Variants in KCNK5 observed in about 807,000 individuals in gnomAD.
KCNK5 encodes the protein potassium channel subfamily K member 5.
KCNK5 carries 18 observed loss-of-function variants against 32.9 expected under a neutral mutation model. The ratio of observed to expected loss-of-function variants is 0.55; its 90% CI spans 0.38 to 0.81. The LOEUF is 0.81. Among genes scored for constraint, KCNK5 ranks in the 30% least tolerant of loss-of-function variants. The pLI, the probability that KCNK5 is intolerant of heterozygous loss-of-function variation, is 0.00. For missense variants in KCNK5, 507 were observed against 651.0 expected, an observed-to-expected ratio of 0.78 and a Z score of 2.41; for synonymous variants, 276 against 275.3, an observed-to-expected ratio of 1.00 and a Z score of -0.03.
chr6:39,208,539 G>A (rs1771270627), intron 1 of KCNK5, among the ~76,000 whole-genome samples: 1 of 152,236 alleles, frequency 6.6e-6, no homozygotes, highest in Non-Finnish European at 1.5e-5. Flanking sequence ...TGCAGTCCAA[G>A]CCCATTTCCT....
intron 1 of KCNK5, among the ~76,000 whole-genome samples, chr6:39,209,493 C>A (rs1316435922): frequency 6.6e-5 from 10 of 152,156 alleles, no homozygotes; most frequent in South Asian, 6.2e-4. Flanking sequence ...TACTGCCAGG[C>A]CCTCCTAGTA....
At chr6:39,216,950 C>T (rs990355833) in intron 1 of KCNK5, among the ~76,000 whole-genome samples, 10 of 151,612 alleles carry the variant, frequency 6.6e-5, no homozygotes, top group Non-Finnish European at 1.0e-4. Flanking sequence ...GGAGAAACCC[C>T]GTCTCTACTA....
At chr6:39,204,201 T>C (rs1237680647) in intron 1 of KCNK5, among the ~76,000 whole-genome samples, 2 of 152,252 alleles carry the variant, frequency 1.3e-5, no homozygotes, top group Admixed American at 6.5e-5. Context: ...CTGATATCTA[T>C]CTGGAGTATG....
At chr6:39,215,649 G>A (rs960062600) in intron 1 of KCNK5, among the ~76,000 whole-genome samples, 1 of 152,192 alleles carries the variant, frequency 6.6e-6, no homozygotes, top group African/African-American at 2.4e-5. Context: ...AGACTAAAGC[G>A]ATACCCTCCC....
chr6:39,215,258 T>A (rs1562056560), intron 1 of KCNK5, among the ~76,000 whole-genome samples: 1 of 152,218 alleles, frequency 6.6e-6, no homozygotes, highest in East Asian at 1.9e-4. Flanking sequence ...CACTACTGCC[T>A]CGGCTCACCC....
At position 39,194,747 on chromosome 6, in the gene KCNK5, C is replaced by T. The variant is rs1419824986; in HGVS notation, c.312G>A (p.Val104=). ...TVITTIGYGN[V]APKTPAGRLF... ...GGCGACCGGCGGGGGTCTTGGGAGC[C>T]ACATTGCCATATCCTGAGGAAGGAG... is the stretch of plus-strand genomic sequence containing the variant. The change falls in exon 3 of 5, where the codon GTG becomes GTA. Residue 104 remains valine (V), a synonymous_variant. Transcript: ENST00000359534. This position sits in a 1 kb window ranked among gnomAD's most constrained non-coding sequence, Gnocchi z 4.7. The T allele has an allele frequency of 6.2e-7, 1 of 1,613,992 alleles. No individual in the cohort carries two copies.
chr6:39,214,194 C>T (rs11962439), intron 1 of KCNK5, among the ~76,000 whole-genome samples: 4,746 of 152,218 alleles, frequency 0.031, 138 homozygotes, highest in African/African-American at 0.081. Context: ...TGACAGGAAC[C>T]TTCTAGAACA....
intron 1 of KCNK5, among the ~76,000 whole-genome samples, chr6:39,216,100 T>C (rs1029368983): frequency 6.6e-6 from 1 of 152,176 alleles, no homozygotes; most frequent in Non-Finnish European, 1.5e-5. Flanking sequence ...CTGGCTAACA[T>C]GGCGAAACCC....
chr6:39,216,984 G>A lies in KCNK5; in HGVS notation c.186+11942C>T, dbSNP rs551770844. On this transcript the variant is annotated intron_variant, in intron 1 of 4. Transcript: ENST00000359534. Reference sequence around the variant, plus strand: ...TAAAAATACAAACTTAGCTGGGTGTGGTGGCACATGCCTGTAATCCCAGCT... The same window carrying A: ...TAAAAATACAAACTTAGCTGGGTGTAGTGGCACATGCCTGTAATCCCAGCT... Among the ~76,000 whole-genome samples the A allele has an allele frequency of 5.3e-5, 8 of 151,986 alleles. No individual in the cohort carries two copies. The South Asian group carries it at 1.7e-3, about 32-fold the overall frequency.
chr6:39,196,517 G>A (rs1771033675), intron 1 of KCNK5, among the ~76,000 whole-genome samples: 1 of 152,192 alleles, frequency 6.6e-6, no homozygotes, highest in Non-Finnish European at 1.5e-5. Context: ...TCCTTGTTCA[G>A]GGTTGGCTGG....
chr6:39,224,388 C>A (rs1562059516), intron 1 of KCNK5, among the ~76,000 whole-genome samples: 2 of 152,264 alleles, frequency 1.3e-5, no homozygotes, highest in African/African-American at 4.8e-5. Flanking sequence ...CTCAACTTTC[C>A]AAAAAATTCA....
At chr6:39,201,369 A>T (rs1771131233) in intron 1 of KCNK5, among the ~76,000 whole-genome samples, 1 of 151,190 alleles carries the variant, frequency 6.6e-6, no homozygotes, top group Non-Finnish European at 1.5e-5. Flanking sequence ...CTCCTGCCTT[A>T]GCCTCCCGAG....
intron 1 of KCNK5, among the ~76,000 whole-genome samples, chr6:39,198,811 G>A (rs1189455576): frequency 1.7e-4 from 26 of 152,160 alleles, no homozygotes; most frequent in Admixed American, 1.6e-3. Flanking sequence ...AGTCCAAGGG[G>A]GAGATGGGGT....
chr6:39,220,417 C>T (rs1771524137), intron 1 of KCNK5, among the ~76,000 whole-genome samples: 1 of 152,090 alleles, frequency 6.6e-6, no homozygotes, highest in East Asian at 1.9e-4. Flanking sequence ...GTGGTGTCTG[C>T]CTCGAGTGAG....
At chr6:39,192,392 C>G (rs1770957485) in intron 4 of KCNK5, among the ~76,000 whole-genome samples, 1 of 150,826 alleles carries the variant, frequency 6.6e-6, no homozygotes, top group Admixed American at 6.6e-5. Context: ...AGAAACAGTT[C>G]ATGAGTATTT....
Position 39,194,293 on chromosome 6 carries a change from G to T in KCNK5, c.510C>A (p.Gly170=), listed in dbSNP as rs916995756. 3 of 1,613,564 alleles carry T rather than the reference G, an allele frequency of 1.9e-6. No individual in the cohort carries two copies. The African/African-American group carries it at 4.0e-5, about 22-fold the overall frequency. The part of the protein sequence containing the change: ...ITCTVIFIVW[G]VLVHLVIPPF... ...GTGGGATCACCAGGTGGACTAGGAC[G>T]CCCCACACGATGAAGATGACTGTGC... is the stretch of plus-strand genomic sequence containing the variant. The change falls in exon 4 of 5, where the codon GGC becomes GGA. Residue 170 remains glycine, a synonymous_variant. Coordinates refer to ENST00000359534, the MANE Select transcript of KCNK5 (RefSeq NM_003740.4). This position sits in a 1 kb window ranked among gnomAD's most constrained non-coding sequence, Gnocchi z 4.7.
chr6:39,205,782 C>T (rs1322204106), intron 1 of KCNK5, among the ~76,000 whole-genome samples: 1 of 152,194 alleles, frequency 6.6e-6, no homozygotes, highest in Middle Eastern at 3.2e-3. Flanking sequence ...CTGTGGGTCA[C>T]TAGGAAGAGG....
In KCNK5 at chr6:39,202,331, G is replaced by A. The variant is rs1205085003; in HGVS notation, c.187-6344C>T. ...AGGTGGAAGCCTGAAGAGCAAGAGG[G>A]CAGGAAGGAGAGGCACAGACCCCAG... is the stretch of plus-strand genomic sequence containing the variant. On this transcript the variant is annotated intron_variant, in intron 1 of 4. Transcript: ENST00000359534. Among the ~76,000 whole-genome samples the A allele has an allele frequency of 3.9e-5, 6 of 152,152 alleles. No homozygotes were observed. In the East Asian group the frequency reaches 9.6e-4, roughly 24 times the overall value.
chr6:39,192,517 G>C (rs917996530), intron 4 of KCNK5, among the ~76,000 whole-genome samples: 1 of 152,154 alleles, frequency 6.6e-6, no homozygotes, highest in Admixed American at 6.5e-5. Flanking sequence ...CTCCAAGCTG[G>C]GGCTAGACTC....
Sources: gnomAD v4.1 joint callset for allele counts (sites outside exome capture counted in the v4.1 genomes callset) on GRCh38, gnomAD v4.1.1 for gene constraint, Gnocchi (gnomAD v3.1) non-coding constraint, MANE v1.5 for transcripts, NCBI Gene and HGNC (gene_info 2026-07-23, HGNC 2026-07-21) for gene names.